Variants in ABCA13 observed in about 807,000 individuals in gnomAD.
ABCA13 encodes ATP binding cassette subfamily A member 13.
Under a neutral mutation model 478.7 loss-of-function variants are expected in ABCA13, and 476 were observed. The ratio of observed to expected loss-of-function variants is 0.99; its 90% CI spans 0.92 to 1.07. The LOEUF (loss-of-function observed/expected upper bound fraction) is 1.07, where lower values mean the gene tolerates loss of function less well. ABCA13 is among the 50% of genes least tolerant of loss of function. ABCA13 has a pLI of 0.00. For synonymous variants in ABCA13, 2,252 were observed against 2,158.9 expected (o/e 1.04, Z -1.20); for missense variants, 6,060 against 5,910.6 (o/e 1.03, Z -0.83).
chr7:48,236,714 C>A (rs528118267), intron 8 of ABCA13, among the ~76,000 whole-genome samples: 1 of 152,330 alleles, frequency 6.6e-6, no homozygotes, highest in South Asian at 2.1e-4. Context: ...CATCTCAAAG[C>A]CAGGTGATAA....
At chr7:48,402,566 T>C (rs1309577956) in intron 38 of ABCA13, among the ~76,000 whole-genome samples, 3 of 152,180 alleles carry the variant, frequency 2.0e-5, no homozygotes, top group Admixed American at 6.5e-5. Context: ...GGATGAAACA[T>C]TAAGTGCACA....
chr7:48,646,902 T>C lies in ABCA13; in HGVS notation c.*1390T>C, dbSNP rs1795469614. The C allele has an allele frequency of 6.6e-6, 1 of 152,220 alleles. No homozygotes were observed. Among genetic ancestry groups the C allele is most frequent in the Non-Finnish European group, 1.5e-5 (1 of 68,032 alleles). The allele number at this position is 152,220 out of a possible 1,614,324, so 9.4% of individuals were successfully genotyped here. A position where few individuals can be genotyped will look rare whatever the true frequency, so the allele number is the denominator to read the frequency against. On this transcript the variant is annotated 3_prime_UTR_variant, in exon 62 of 62. Coordinates refer to ENST00000435803, the MANE Select transcript of ABCA13 (RefSeq NM_152701.5). ...TTGTTGTCTTCAAAGCATTGTCAGA[T>C]GTAGAGTGCTCAGATGTGGCTCTTA... is the stretch of plus-strand genomic sequence containing the variant.
chr7:48,500,013 C>T (rs1297888233), intron 48 of ABCA13, among the ~76,000 whole-genome samples: 4 of 152,188 alleles, frequency 2.6e-5, no homozygotes, highest in Non-Finnish European at 4.4e-5. Context: ...ATTGATCAGA[C>T]TGGTATCCAG....
intron 41 of ABCA13, among the ~76,000 whole-genome samples, chr7:48,416,492 G>A (rs1160877044): frequency 6.6e-6 from 1 of 152,076 alleles, no homozygotes; most frequent in Non-Finnish European, 1.5e-5. Flanking sequence ...CCCCTACCTT[G>A]GCACCCTTAC....
chr7:48,276,671 C>T (rs1031374660), intron 17 of ABCA13, 106 bp downstream of exon 17: 1 of 834,252 alleles, frequency 1.2e-6, no homozygotes, highest in Non-Finnish European at 1.8e-6. Context: ...TATCTAATAC[C>T]TTTGAAAGAT....
At chr7:48,340,843 G>C (rs1034233577) in intron 29 of ABCA13, among the ~76,000 whole-genome samples, 8 of 152,166 alleles carry the variant, frequency 5.3e-5, no homozygotes, top group African/African-American at 1.9e-4. Context: ...CTAAGAAAAA[G>C]TCCCTTCATC....
chr7:48,229,727 A>C, intron 6 of ABCA13, 98 bp from the exon 7 acceptor site: 1,050 of 1,229,858 alleles, frequency 8.5e-4, no homozygotes, highest in Non-Finnish European at 1.1e-3. Context: ...CAACAGCACT[A>C]GGGGCCCAGT....
At chr7:48,615,237 C>G in intron 58 of ABCA13, 48 bp from the exon 59 acceptor site, 1 of 1,241,456 alleles carries the variant, frequency 8.1e-7, no homozygotes, top group Non-Finnish European at 1.1e-6. Flanking sequence ...ACTCAACCCT[C>G]CCCTCTTCAG....
At position 48,251,719 on chromosome 7, in the gene ABCA13, G is replaced by T. The variant is rs1792595923; in HGVS notation, c.2005+2368G>T. On this transcript the variant is annotated intron_variant, in intron 15 of 61. Transcript: ENST00000435803. ...TATCTTTATTATTTTCTTTCTTCTA[G>T]TAAATTTAGTGTGATTGTTGTTCTT... is the stretch of plus-strand genomic sequence containing the variant. Among the ~76,000 whole-genome samples the T allele has an allele frequency of 3.3e-5, 5 of 151,594 alleles. No individual in the cohort carries two copies. The South Asian group carries it at 1.0e-3, about 32-fold the overall frequency.
At chr7:48,344,988 A>G (rs13231603) in intron 29 of ABCA13, among the ~76,000 whole-genome samples, 94,429 of 152,026 alleles carry the variant, frequency 0.62, 29,587 homozygotes, top group Middle Eastern at 0.73. Flanking sequence ...CTGCTTTTCT[A>G]AGTTGTAGTT....
chr7:48,432,892 CT>C (rs1822334248), intron 42 of ABCA13, among the ~76,000 whole-genome samples: 2 of 151,852 alleles, frequency 1.3e-5, no homozygotes, highest in South Asian at 4.1e-4. Context: ...TTCAAGAGAT[CT>C]ATTGTACAAC....
At chr7:48,281,862 A>G (rs1584611499) in intron 19 of ABCA13, among the ~76,000 whole-genome samples, 1 of 151,990 alleles carries the variant, frequency 6.6e-6, no homozygotes, top group South Asian at 2.1e-4. Context: ...TCTTTCTTAC[A>G]TTTCCTCCCT....
intron 55 of ABCA13, among the ~76,000 whole-genome samples, chr7:48,539,314 G>T (rs1833808018): frequency 6.7e-6 from 1 of 148,964 alleles, no homozygotes; most frequent in South Asian, 2.1e-4. Flanking sequence ...CTGGTCTTTA[G>T]TCTTTTTTTT....
chr7:48,192,786 G>C (rs544062163), intron 1 of ABCA13, among the ~76,000 whole-genome samples, 173 bp from the exon 2 acceptor site: 1 of 152,162 alleles, frequency 6.6e-6, no homozygotes, highest in Non-Finnish European at 1.5e-5. Context: ...AGATGACACC[G>C]TCACAGATCT....
rs185312692 is a variant in ABCA13, at chr7:48,378,163, C to T, written c.11335+1591C>T. Reference sequence around the variant, plus strand: ...GTCTGGTGTGCAGAGGGCTCACTGTCTAGGTCATATTTGAAGGGAAGAAAA... The same window carrying T: ...GTCTGGTGTGCAGAGGGCTCACTGTTTAGGTCATATTTGAAGGGAAGAAAA... On this transcript the variant is annotated intron_variant, in intron 35 of 61. Transcript: ENST00000435803. Among the ~76,000 whole-genome samples the T allele has an allele frequency of 1.3e-5, 2 of 152,082 alleles. 1 individual carries two copies. Among genetic ancestry groups the T allele is most frequent in the South Asian group, 4.1e-4 (2 of 4,830 alleles).
chr7:48,377,497 A>T (rs1268714937), intron 35 of ABCA13, among the ~76,000 whole-genome samples: 2 of 152,330 alleles, frequency 1.3e-5, no homozygotes, highest in East Asian at 3.9e-4. Context: ...AAAGAAAACA[A>T]ATGCAGTTCA....
intron 15 of ABCA13, among the ~76,000 whole-genome samples, chr7:48,267,476 C>T (rs1198812294): frequency 6.6e-6 from 1 of 152,012 alleles, no homozygotes; most frequent in Non-Finnish European, 1.5e-5. Context: ...GAGTGGTATG[C>T]CTTTTCCATC....
In ABCA13 at chr7:48,446,589, G is replaced by A. The variant is rs190963726; in HGVS notation, c.12566-8448G>A. Reference sequence around the variant, plus strand: ...CAATTTTGGCAGTGATTAATTTGAAGGGTCTGCAACCTCTCCTTTGCTTTT... The same window carrying A: ...CAATTTTGGCAGTGATTAATTTGAAAGGTCTGCAACCTCTCCTTTGCTTTT... On this transcript the variant is annotated intron_variant, in intron 42 of 61. Coordinates refer to ENST00000435803, the MANE Select transcript of ABCA13 (RefSeq NM_152701.5). Among the ~76,000 whole-genome samples the A allele has an allele frequency of 9.9e-5, 15 of 152,234 alleles. No individual in the cohort carries two copies. In the East Asian group the frequency reaches 2.9e-3, roughly 29 times the overall value.
At chr7:48,210,681 A>G (rs1201455614) in intron 3 of ABCA13, among the ~76,000 whole-genome samples, 1 of 151,982 alleles carries the variant, frequency 6.6e-6, no homozygotes, top group Non-Finnish European at 1.5e-5. Context: ...ATCTAGTTTT[A>G]TTCCACTGTG....
Sources: gnomAD v4.1 joint callset for allele counts (sites outside exome capture counted in the v4.1 genomes callset) on GRCh38, gnomAD v4.1.1 for gene constraint, MANE v1.5 for transcripts, NCBI Gene and HGNC (gene_info 2026-07-23, HGNC 2026-07-21) for gene names.